L3MBTL4: variants seen among roughly 807,000 people sequenced by gnomAD.
L3MBTL4 encodes L3MBTL histone methyl-lysine binding protein 4, also known as lethal(3)malignant brain tumor-like protein 4.
L3MBTL4 carries 70 observed loss-of-function variants against 84.5 expected under a neutral mutation model. The ratio of observed to expected loss-of-function variants is 0.83; its 90% CI spans 0.68 to 1.01. The LOEUF (loss-of-function observed/expected upper bound fraction) is 1.01, where lower values mean the gene tolerates loss of function less well. Among genes scored for constraint, L3MBTL4 ranks in the 50% least tolerant of loss-of-function variants. The probability of loss-of-function intolerance (pLI) is 0.00; values close to 1 mark genes in which losing one functional copy is unlikely to be tolerated. For missense variants in L3MBTL4, 715 were observed against 754.8 expected (o/e 0.95, Z 0.62); for synonymous variants, 274 against 259.8 (o/e 1.05, Z -0.52).
chr18:6,197,539 G>C (rs997927331), intron 12 of L3MBTL4, among the ~76,000 whole-genome samples: 5 of 152,134 alleles, frequency 3.3e-5, no homozygotes, highest in African/African-American at 1.2e-4. Flanking sequence ...TTGATTCCAC[G>C]TCTTTGCTAT....
chr18:6,177,560 A>G (rs2044279193), intron 12 of L3MBTL4, among the ~76,000 whole-genome samples: 1 of 152,160 alleles, frequency 6.6e-6, no homozygotes, highest in African/African-American at 2.4e-5. Context: ...ATTTTTCAAC[A>G]CTCATCAAAA....
intron 16 of L3MBTL4, among the ~76,000 whole-genome samples, chr18:6,010,046 C>T (rs772811962): frequency 1.3e-5 from 2 of 151,862 alleles, no homozygotes; most frequent in Admixed American, 1.3e-4. Flanking sequence ...TCTTTAAAAT[C>T]GATGTTTCCC....
chr18:6,259,258 A>G (rs912309444), intron 5 of L3MBTL4: 4 of 152,322 alleles, frequency 2.6e-5, no homozygotes, highest in African/African-American at 9.6e-5. Context: ...ACAACAATGG[A>G]AAGAGGATGA....
At chr18:6,228,941 T>A (rs2145964489) in intron 10 of L3MBTL4, among the ~76,000 whole-genome samples, 1 of 152,170 alleles carries the variant, frequency 6.6e-6, no homozygotes, top group South Asian at 2.1e-4. Context: ...AATGTGAGAG[T>A]GACTTAATAC....
At chr18:6,004,920 T>C (rs907627282) in intron 16 of L3MBTL4, among the ~76,000 whole-genome samples, 5 of 150,306 alleles carry the variant, frequency 3.3e-5, no homozygotes, top group Non-Finnish European at 5.9e-5. Context: ...TGGAGATGGA[T>C]GGTGATGCTG....
chr18:6,345,237 G>GAAAAGA (rs2052827914), intron 1 of L3MBTL4, among the ~76,000 whole-genome samples: 1 of 111,690 alleles, frequency 9.0e-6, no homozygotes, highest in African/African-American at 3.3e-5. Context: ...AAAAAAAAAA[G>GAAAAGA]AAAAAAAAAA....
At chr18:6,187,239 G>C (rs1258508794) in intron 12 of L3MBTL4, among the ~76,000 whole-genome samples, 1 of 152,132 alleles carries the variant, frequency 6.6e-6, no homozygotes, top group African/African-American at 2.4e-5. Context: ...ACTTGGAGTA[G>C]ATGCTTTTTT....
Position 6,383,929 on chromosome 18 carries a change from T to C in L3MBTL4, c.-91+30872A>G, listed in dbSNP as rs541754176. On this transcript the variant is annotated intron_variant, in intron 1 of 18. Coordinates refer to ENST00000317931, the MANE Select transcript of L3MBTL4 (RefSeq NM_001330559.2). ...GTACAGTTTTTAAAGATATTACCAATTGCCTTCATCAAGGGTGTGCCTTTT... is the reference window on the plus strand; with the variant it reads ...GTACAGTTTTTAAAGATATTACCAACTGCCTTCATCAAGGGTGTGCCTTTT... 3.2e-4 allele frequency among the ~76,000 whole-genome samples: 48 copies of C among 152,340 alleles called. No individual in the cohort carries two copies. The South Asian group carries it at 9.3e-3, about 30-fold the overall frequency.
chr18:6,149,416 T>C (rs545801400), intron 13 of L3MBTL4, among the ~76,000 whole-genome samples: 31 of 152,048 alleles, frequency 2.0e-4, no homozygotes, highest in African/African-American at 7.2e-4. Flanking sequence ...CCATGGTGTA[T>C]ATGTGCCACA....
At chr18:6,262,193 C>T (rs1378035729) in intron 5 of L3MBTL4, among the ~76,000 whole-genome samples, 1 of 152,178 alleles carries the variant, frequency 6.6e-6, no homozygotes, top group East Asian at 1.9e-4. Flanking sequence ...TCTGTTCTCC[C>T]CTCCCAACCT....
At chr18:6,335,188 T>A (rs911804442) in intron 1 of L3MBTL4, among the ~76,000 whole-genome samples, 1 of 152,180 alleles carries the variant, frequency 6.6e-6, no homozygotes, top group Admixed American at 6.5e-5. Context: ...TCTCCTGGGT[T>A]CAAGCAATTG....
intron 3 of L3MBTL4, among the ~76,000 whole-genome samples, chr18:6,302,663 T>G (rs1350950026): frequency 1.3e-5 from 2 of 152,216 alleles, no homozygotes; most frequent in African/African-American, 2.4e-5. Context: ...TTATGTCATT[T>G]TGTGGCCATC....
rs1223121791 is a variant in L3MBTL4, at chr18:6,322,501, GGAAA to G, written c.-90-10449_-90-10446del. ...AGGAAGGAAGGAAGGAAGGAAGGAA[GGAAA>G]GAAGGAAAAAAAAAACAAACAAACA... On this transcript the variant is annotated intron_variant, in intron 1 of 18. Coordinates refer to ENST00000317931, the MANE Select transcript of L3MBTL4 (RefSeq NM_001330559.2). Among the ~76,000 whole-genome samples, 1,047 of 133,132 alleles carry G rather than the reference GGAAA, an allele frequency of 7.9e-3. 14 individuals carry two copies. The highest frequency in any genetic ancestry group is 0.029 in the East Asian group (135 of 4,710). 87.3% of individuals were successfully genotyped at this position (133,132 alleles called of 152,430 possible).
chr18:6,329,259 T>C (rs1362526076), intron 1 of L3MBTL4, among the ~76,000 whole-genome samples: 5 of 149,726 alleles, frequency 3.3e-5, no homozygotes, highest in South Asian at 2.2e-4. Context: ...GTTCACGCCA[T>C]TCTCCTGCCT....
At chr18:6,175,253 C>T (rs1440652702) in intron 12 of L3MBTL4, among the ~76,000 whole-genome samples, 1 of 152,096 alleles carries the variant, frequency 6.6e-6, no homozygotes, top group East Asian at 1.9e-4. Flanking sequence ...AGAAACAGTG[C>T]AGGCAAGAAG....
At chr18:6,131,526 C>T (rs892945944) in intron 14 of L3MBTL4, among the ~76,000 whole-genome samples, 2 of 149,976 alleles carry the variant, frequency 1.3e-5, no homozygotes, top group African/African-American at 4.9e-5. Flanking sequence ...GAGGAAAAAA[C>T]CTTTTATTTT....
intron 1 of L3MBTL4, chr18:6,326,295 G>C (rs2051713976): frequency 6.6e-6 from 1 of 152,230 alleles, no homozygotes; most frequent in African/African-American, 2.4e-5. Flanking sequence ...TTTAACATCT[G>C]TGACAAGATC....
chr18:6,295,879 G>A (rs2050089215), intron 4 of L3MBTL4, among the ~76,000 whole-genome samples: 1 of 152,142 alleles, frequency 6.6e-6, no homozygotes, highest in African/African-American at 2.4e-5. Flanking sequence ...CTAGATCATG[G>A]GGGCAGAGTT....
At chr18:6,317,026 A>G (rs1029252297) in intron 1 of L3MBTL4, among the ~76,000 whole-genome samples, 13 of 152,080 alleles carry the variant, frequency 8.5e-5, no homozygotes, top group African/African-American at 3.1e-4. Flanking sequence ...ATAAATAAAT[A>G]AATGCACACT....
Sources: allele counts gnomAD v4.1 joint callset (sites outside exome capture counted in the v4.1 genomes callset), GRCh38; gene constraint gnomAD v4.1.1; transcripts MANE v1.5; gene names NCBI Gene and HGNC (gene_info 2026-07-23, HGNC 2026-07-21).